The following CALN1 variants were observed in gnomAD, a reference collection of about 807,000 sequenced individuals.
The protein encoded by CALN1 is calcium-binding protein 8.
A neutral mutation model predicts 30.6 loss-of-function variants in CALN1; 17 were observed. The observed-to-expected ratio is 0.56, with a 90% CI of 0.38 to 0.83. The LOEUF (loss-of-function observed/expected upper bound fraction) is 0.83. Among genes scored for constraint, CALN1 ranks in the 40% least tolerant of loss-of-function variants. The probability of loss-of-function intolerance (pLI) is 0.00; values close to 1 mark genes in which losing one functional copy is unlikely to be tolerated. For missense variants in CALN1, 291 were observed against 354.9 expected (o/e 0.82, Z 1.45); for synonymous variants, 156 against 131.4 (o/e 1.19, Z -1.28).
intron 3 of CALN1, among the ~76,000 whole-genome samples, chr7:72,128,640 G>A (rs900867151): frequency 3.9e-5 from 6 of 152,204 alleles, no homozygotes; most frequent in Non-Finnish European, 7.3e-5. Context: ...AAAGGCTGAG[G>A]TGGGCGGATC....
chr7:72,503,354 C>G, the CALN1 span, among the ~76,000 whole-genome samples: 2 of 151,750 alleles, frequency 1.3e-5, no homozygotes, highest in East Asian at 3.9e-4. Flanking sequence ...TCAGAGAGGA[C>G]TCCTTCAATG....
Position 71,832,469 on chromosome 7 carries a change from G to A in CALN1, c.502-21977C>T, listed in dbSNP as rs7790097. ...GATTTACCTTGATTCTGTATGCAGG[G>A]ACTGTGACTTTTGTAGATATGGGCA... On this transcript the variant is annotated intron_variant, in intron 5 of 6. Coordinates refer to ENST00000395275, the MANE Select transcript of CALN1 (RefSeq NM_031468.4). 5.9e-3 allele frequency among the ~76,000 whole-genome samples: 904 copies of A among 152,248 alleles called. 9 individuals carry two copies. Among genetic ancestry groups the A allele is most frequent in the African/African-American group, 0.018 (747 of 41,550 alleles).
intron 2 of CALN1, among the ~76,000 whole-genome samples, chr7:72,382,974 G>A (rs573884957): frequency 1.1e-4 from 17 of 152,244 alleles, no homozygotes; most frequent in African/African-American, 4.1e-4. Flanking sequence ...TTTTTCTAGA[G>A]ATGGGGTTTC....
intron 5 of CALN1, among the ~76,000 whole-genome samples, chr7:71,925,386 C>T (rs965212103): frequency 9.9e-5 from 15 of 151,934 alleles, no homozygotes; most frequent in African/African-American, 3.6e-4. Context: ...TAAGTTTCTC[C>T]CATTATCATA....
chr7:72,032,737 T>C (rs1313051935), intron 4 of CALN1, among the ~76,000 whole-genome samples: 2 of 152,196 alleles, frequency 1.3e-5, no homozygotes, highest in Non-Finnish European at 2.9e-5. Flanking sequence ...TTGTCTGCAG[T>C]CAGGATCTTA....
At chr7:72,284,323 A>G (rs1339751459) in intron 2 of CALN1, among the ~76,000 whole-genome samples, 8 of 152,216 alleles carry the variant, frequency 5.3e-5, no homozygotes, top group Non-Finnish European at 1.5e-5. Context: ...AATAAACTAA[A>G]GAGCCTCATT....
At chr7:71,949,640 A>G (rs1796587647) in intron 5 of CALN1, among the ~76,000 whole-genome samples, 1 of 152,024 alleles carries the variant, frequency 6.6e-6, no homozygotes, top group Non-Finnish European at 1.5e-5. Flanking sequence ...CCGGCCTCCC[A>G]AAGTGCTGAG....
Position 72,376,132 on chromosome 7 carries a change from C to T in CALN1, c.119+27119G>A, listed in dbSNP as rs1804538901. On this transcript the variant is annotated intron_variant, in intron 2 of 6. Coordinates refer to ENST00000395275, the MANE Select transcript of CALN1 (RefSeq NM_031468.4). The stretch of plus-strand genomic sequence containing the variant: ...ATGGATTATATCATCTTCTGTTTAT[C>T]CATTCATCAGTTGATGGACATTTGG... Among the ~76,000 whole-genome samples, 5 of 152,000 alleles carry T rather than the reference C, an allele frequency of 3.3e-5. No individual in the cohort carries two copies. The South Asian group carries it at 1.0e-3, about 32-fold the overall frequency.
At chr7:72,390,452 T>A (rs551342660) in intron 2 of CALN1, among the ~76,000 whole-genome samples, 1 of 151,896 alleles carries the variant, frequency 6.6e-6, no homozygotes, top group Non-Finnish European at 1.5e-5. Context: ...ATTAAAAAAA[T>A]AAATGAGAGA....
chr7:72,418,964 T>C (rs951897194), intron 1 of CALN1, among the ~76,000 whole-genome samples: 2 of 152,144 alleles, frequency 1.3e-5, no homozygotes, highest in African/African-American at 4.8e-5. Context: ...TACAGTGAAC[T>C]ATGATCATGC....
chr7:72,044,037 C>T (rs777298766), intron 4 of CALN1, among the ~76,000 whole-genome samples: 1 of 152,032 alleles, frequency 6.6e-6, no homozygotes, highest in Admixed American at 6.5e-5. Context: ...TCCCCCCACC[C>T]CCACCATGAT....
intron 3 of CALN1, among the ~76,000 whole-genome samples, chr7:72,141,621 T>C (rs776021700): frequency 2.0e-5 from 3 of 152,074 alleles, no homozygotes; most frequent in Non-Finnish European, 2.9e-5. Flanking sequence ...CAGGTAGGAA[T>C]GCAATGGTGT....
chr7:72,423,989 GGAAGGAAAA>G, intron 1 of CALN1, among the ~76,000 whole-genome samples: 1 of 144,402 alleles, frequency 6.9e-6, no homozygotes, highest in East Asian at 2.0e-4. Context: ...GAGGAAGGAA[GGAAGGAAAA>G]GAAGGAAGGA....
chr7:71,988,171 GTGTTTAA>G (rs1412387957), intron 5 of CALN1, among the ~76,000 whole-genome samples: 1 of 152,202 alleles, frequency 6.6e-6, no homozygotes. Context: ...GTGTCAGGAA[GTGTTTAA>G]TGCTTTGCAC....
intron 5 of CALN1, among the ~76,000 whole-genome samples, chr7:71,915,534 C>A (rs1794645084): frequency 6.6e-6 from 1 of 152,100 alleles, no homozygotes; most frequent in African/African-American, 2.4e-5. Context: ...GAGATGGAGA[C>A]CATCCTGGCC....
chr7:72,423,171 C>T (rs768431124), intron 1 of CALN1, among the ~76,000 whole-genome samples: 20 of 150,590 alleles, frequency 1.3e-4, no homozygotes, highest in Non-Finnish European at 2.5e-4. Flanking sequence ...TTATCAATTT[C>T]ACCTAATCTT....
intron 3 of CALN1, among the ~76,000 whole-genome samples, chr7:72,114,547 G>A (rs1423895847): frequency 3.3e-5 from 5 of 152,066 alleles, no homozygotes; most frequent in Non-Finnish European, 7.3e-5. Context: ...CATAGAAAAT[G>A]CTGGTTTAAT....
intron 6 of CALN1, among the ~76,000 whole-genome samples, chr7:71,802,375 A>C (rs1234282121): frequency 6.6e-6 from 1 of 152,202 alleles, no homozygotes; most frequent in Non-Finnish European, 1.5e-5. Flanking sequence ...AAACATCCTT[A>C]AAAACTCCCT....
intron 3 of CALN1, among the ~76,000 whole-genome samples, chr7:72,187,742 T>C (rs1222632967): frequency 6.6e-6 from 1 of 152,200 alleles, no homozygotes; most frequent in African/African-American, 2.4e-5. Context: ...GCTCTTTTCG[T>C]GTATACGTGT....
Sources: gnomAD v4.1 joint callset for allele counts (sites outside exome capture counted in the v4.1 genomes callset) on GRCh38, gnomAD v4.1.1 for gene constraint, MANE v1.5 for transcripts, NCBI Gene and HGNC (gene_info 2026-07-23, HGNC 2026-07-21) for gene names.